The following EXOSC9 variants were observed in gnomAD, a reference collection of about 807,000 sequenced individuals.
EXOSC9 encodes exosome component 9, also known as exosome complex component RRP45.
In EXOSC9, 38 loss-of-function variants were observed where a neutral mutation model predicts 56.5. The ratio of observed to expected loss-of-function variants is 0.67; its 90% CI spans 0.52 to 0.88. The LOEUF (loss-of-function observed/expected upper bound fraction) is 0.88, where lower values mean the gene tolerates loss of function less well. Among genes scored for constraint, EXOSC9 ranks in the 40% least tolerant of loss-of-function variants. The pLI is 0.00. For synonymous variants in EXOSC9, 170 were observed against 170.8 expected, an observed-to-expected ratio of 0.99 and a Z score of 0.04; for missense variants, 559 against 530.5, an observed-to-expected ratio of 1.05 and a Z score of -0.53.
intron 4 of EXOSC9, 109 bp from the exon 5 acceptor site, chr4:121,804,513 G>A (rs999919814): frequency 2.1e-5 from 14 of 662,210 alleles, no homozygotes; most frequent in African/African-American, 5.4e-5. Flanking sequence ...GAGTAACTGC[G>A]TGTTTTAACA....
At chr4:121,801,622 CTTTA>C in intron 1 of EXOSC9, 132 bp downstream of exon 1, 13 of 899,598 alleles carry the variant, frequency 1.4e-5, no homozygotes, top group Non-Finnish European at 2.0e-5. Context: ...ATCCCTCAGG[CTTTA>C]TTTATTTTTT....
Position 121,813,893 on chromosome 4 carries a change from TG to T in EXOSC9, c.1004del (p.Gly335GlufsTer9), listed in dbSNP as rs1269873786. On this transcript the variant is annotated frameshift_variant, in exon 10 of 12. Transcript: ENST00000243498. LOFTEE classifies it high-confidence loss of function. ...TTTCTACACCTGTGCTATGGACTCC[TG>T]GAACTGCCCAAATTGGAGAGGGAGT... ...VVSTPVLWTP[G>X]TAQIGEGVEN... 1.9e-6 allele frequency: 3 copies of T among 1,613,454 alleles called. No homozygotes were observed. The South Asian group carries it at 3.3e-5, about 18-fold the overall frequency.
chr4:121,814,823 T>C (rs1281161188), intron 10 of EXOSC9: 7 of 152,214 alleles, frequency 4.6e-5, no homozygotes, highest in Non-Finnish European at 4.4e-5. Context: ...CTGAAAGCCA[T>C]AGAACTGAAG....
chr4:121,807,876 C>T (rs1727070993), intron 6 of EXOSC9: 1 of 526,228 alleles, frequency 1.9e-6, no homozygotes, highest in East Asian at 3.3e-5. Context: ...TAGGAATTTA[C>T]TATGGCATGG....
Position 121,801,380 on chromosome 4 carries a change from T to C in EXOSC9, c.-45T>C. The C allele has an allele frequency of 1.9e-6, 3 of 1,589,132 alleles. No individual in the cohort carries two copies. In the Middle Eastern group the frequency reaches 5.0e-4, roughly 264 times the overall value. ...CGCGCAAGGAAAGATCGGGTTCCGT[T>C]TTTCCCGCGGATTCTGGTGCCTGTG... On this transcript the variant is annotated 5_prime_UTR_variant, in exon 1 of 12. Coordinates refer to ENST00000243498, the MANE Select transcript of EXOSC9 (RefSeq NM_005033.3).
intron 7 of EXOSC9, 117 bp downstream of exon 7, chr4:121,810,216 T>C: frequency 1.1e-6 from 1 of 926,530 alleles, no homozygotes; most frequent in East Asian, 2.4e-5. Flanking sequence ...TAGGATGTGT[T>C]AGAATCTGGT....
chr4:121,813,674 A>G (rs1438478188), intron 9 of EXOSC9, 192 bp from the exon 10 acceptor site: 4 of 532,644 alleles, frequency 7.5e-6, no homozygotes, highest in Non-Finnish European at 1.3e-5. Context: ...AATTGCATCC[A>G]TAAAATCTTG....
chr4:121,801,577 G>A (rs544776379), intron 1 of EXOSC9, 87 bp downstream of exon 1: 255 of 1,257,486 alleles, frequency 2.0e-4, no homozygotes, highest in Non-Finnish European at 2.8e-4. Flanking sequence ...CTGGGCCCGG[G>A]GAGCTACTAG....
chr4:121,807,433 C>G, intron 5 of EXOSC9, 107 bp from the exon 6 acceptor site: 1 of 587,814 alleles, frequency 1.7e-6, no homozygotes, highest in East Asian at 3.0e-5. Context: ...TTTAGGTACT[C>G]AAAAGAATAA....
intron 6 of EXOSC9, among the ~76,000 whole-genome samples, chr4:121,808,535 T>A (rs988102059): frequency 1.3e-5 from 2 of 151,626 alleles, no homozygotes; most frequent in Admixed American, 6.6e-5. Context: ...AATTTTTGTA[T>A]TTTTTTTGTA....
Sources: gnomAD v4.1 joint callset for allele counts (sites outside exome capture counted in the v4.1 genomes callset) on GRCh38, gnomAD v4.1.1 for gene constraint, MANE v1.5 for transcripts, NCBI Gene and HGNC (gene_info 2026-07-23, HGNC 2026-07-21) for gene names.